TMCO4: variants seen among roughly 807,000 people sequenced by gnomAD.
The protein encoded by TMCO4 is transmembrane and coiled-coil domain-containing protein 4.
TMCO4 carries 58 observed loss-of-function variants against 64.7 expected under a neutral mutation model. That is an observed-to-expected ratio of 0.90 (90% CI 0.73 to 1.12). The LOEUF (loss-of-function observed/expected upper bound fraction) is 1.12, where lower values mean the gene tolerates loss of function less well. TMCO4 is among the 50% of genes most tolerant of loss of function. TMCO4 has a pLI of 0.00. For synonymous variants in TMCO4, 325 were observed against 346.1 expected (o/e 0.94, Z 0.68); for missense variants, 780 against 825.9 (o/e 0.94, Z 0.68).
intron 14 of TMCO4, among the ~76,000 whole-genome samples, chr1:19,699,515 T>A (rs970506422): frequency 2.6e-4 from 35 of 133,428 alleles, no homozygotes; most frequent in African/African-American, 7.2e-4. Flanking sequence ...ATATATATAT[T>A]GAGATGGAGT....
At chr1:19,684,228 G>A (rs1316596881) in intron 15 of TMCO4, among the ~76,000 whole-genome samples, 2 of 151,708 alleles carry the variant, frequency 1.3e-5, no homozygotes, top group African/African-American at 4.8e-5. Context: ...GACCTCTTGG[G>A]CTCTAGTGAT....
intron 4 of TMCO4, among the ~76,000 whole-genome samples, chr1:19,777,741 A>G (rs1182589596): frequency 6.6e-6 from 1 of 152,216 alleles, no homozygotes; most frequent in Admixed American, 6.5e-5. Flanking sequence ...AATCTCTCTT[A>G]GTACTGTGTT....
At chr1:19,762,285 C>T (rs540980600) in intron 6 of TMCO4, among the ~76,000 whole-genome samples, 1 of 152,254 alleles carries the variant, frequency 6.6e-6, no homozygotes, top group South Asian at 2.1e-4. Flanking sequence ...AGATCATGGG[C>T]CACAGGCACA....
At chr1:19,723,762 G>A (rs775008039) in intron 13 of TMCO4, among the ~76,000 whole-genome samples, 7 of 152,178 alleles carry the variant, frequency 4.6e-5, no homozygotes, top group Admixed American at 3.3e-4. Flanking sequence ...CTGGGGCCCT[G>A]GAAGCTAAGT....
rs202088062 is a variant in TMCO4 at position 19,683,304 on chromosome 1, T to C, written c.1641A>G (p.Ala547=). The C allele has an allele frequency of 7.2e-5, 117 of 1,614,050 alleles. 1 individual carries two copies. The East Asian group carries it at 2.5e-3, about 35-fold the overall frequency. ...CLPSEEPRQA[A]AAASSGETPH... Reference sequence around the variant, plus strand: ...GGGTCTCGCCTGATGAGGCGGCAGCTGCTGCCTGGCGAGGCTCCTCGGAGG... The same window carrying C: ...GGGTCTCGCCTGATGAGGCGGCAGCCGCTGCCTGGCGAGGCTCCTCGGAGG... Residue 547 remains alanine, a synonymous_variant, in exon 16 of 16, where the codon GCA becomes GCG. Coordinates refer to ENST00000294543, the MANE Select transcript of TMCO4 (RefSeq NM_181719.7).
intron 13 of TMCO4, among the ~76,000 whole-genome samples, chr1:19,733,960 A>T (rs542222234): frequency 6.6e-6 from 1 of 152,246 alleles, no homozygotes; most frequent in Non-Finnish European, 1.5e-5. Flanking sequence ...AGCTGTTGGA[A>T]GGACTCCATG....
chr1:19,775,818 C>A (rs964630862), intron 4 of TMCO4, among the ~76,000 whole-genome samples: 2 of 152,224 alleles, frequency 1.3e-5, no homozygotes, highest in Non-Finnish European at 2.9e-5. Context: ...CTTTTATATC[C>A]TGTGGGATCA....
rs572277079 is a variant in TMCO4, at chr1:19,690,837, C to A, written c.1500+3597G>T. Among the ~76,000 whole-genome samples, 19 of 149,822 alleles carry A rather than the reference C, an allele frequency of 1.3e-4. No individual in the cohort carries two copies. In the South Asian group the frequency reaches 3.2e-3, roughly 25 times the overall value. The stretch of plus-strand genomic sequence containing the variant: ...CTCTAGGGAGTTGCGAGGTTTACAG[C>A]ATGTGAGCCAAGTCTATCTGTGAAG... On this transcript the variant is annotated intron_variant, in intron 15 of 15. Coordinates refer to ENST00000294543, the MANE Select transcript of TMCO4 (RefSeq NM_181719.7).
Position 19,746,569 on chromosome 1 carries a change from A to G in TMCO4, c.644T>C (p.Val215Ala), listed in dbSNP as rs1243986939. The G allele has an allele frequency of 1.2e-6, 2 of 1,611,208 alleles. No individual in the cohort carries two copies. Among genetic ancestry groups the G allele is most frequent in the Non-Finnish European group, 1.7e-6 (2 of 1,178,640 alleles). The change falls in exon 9 of 16, where the codon GTT becomes GCT. Residue 215 changes from valine to alanine, a missense_variant. Physicochemically the swap from Val to Ala is moderately conservative, Grantham distance 64 (BLOSUM62 0). Transcript: ENST00000294543. ...AATAATCGTCGCTGCTCCAGCGGCA[A>G]CAAGGGGTGCAGCTAGACCTCCAGT... ...GVTGGLAAPL[V>A]AAGAATIIGS...
intron 10 of TMCO4, among the ~76,000 whole-genome samples, chr1:19,741,314 T>C (rs565592757): frequency 2.3e-4 from 35 of 152,368 alleles, no homozygotes; most frequent in African/African-American, 7.5e-4. Context: ...TTTTCTCTAA[T>C]GCTGAAATAA....
At chr1:19,698,109 C>A (rs1229502816) in intron 14 of TMCO4, among the ~76,000 whole-genome samples, 3 of 152,220 alleles carry the variant, frequency 2.0e-5, no homozygotes, top group African/African-American at 7.2e-5. Flanking sequence ...GGCCCTCCAG[C>A]CAATGCTGAT....
chr1:19,751,406 T>G (rs1431246910), intron 7 of TMCO4, among the ~76,000 whole-genome samples: 1 of 152,138 alleles, frequency 6.6e-6, no homozygotes, highest in East Asian at 1.9e-4. Context: ...CAGAACAGCC[T>G]GGGCAACAGG....
chr1:19,781,710 G>A (rs2043490171), intron 3 of TMCO4, among the ~76,000 whole-genome samples: 1 of 149,352 alleles, frequency 6.7e-6, no homozygotes, highest in East Asian at 2.0e-4. Context: ...GCAGTGGCAC[G>A]ATCTTGGCTC....
At chr1:19,737,334 G>A (rs765555310) in intron 13 of TMCO4, 38 bp downstream of exon 13, 2 of 1,590,138 alleles carry the variant, frequency 1.3e-6, no homozygotes, top group Non-Finnish European at 8.6e-7. Context: ...GAACAAGCTT[G>A]TGAAGGGTTT....
chr1:19,796,337 G>GA (rs758339887), intron 2 of TMCO4, among the ~76,000 whole-genome samples: 7 of 152,112 alleles, frequency 4.6e-5, no homozygotes, highest in Non-Finnish European at 8.8e-5. Context: ...TTTGTCCAGC[G>GA]AATGTGGGGC....
Position 19,683,310 on chromosome 1 carries a change from C to G in TMCO4, c.1635G>C (p.Gln545His), listed in dbSNP as rs1212807076. The change falls in exon 16 of 16, where the codon CAG becomes CAC. Residue 545 changes from glutamine (Q) to histidine (H), a missense_variant. Coordinates refer to ENST00000294543, the MANE Select transcript of TMCO4 (RefSeq NM_181719.7). ...CGCCTGATGAGGCGGCAGCTGCTGC[C>G]TGGCGAGGCTCCTCGGAGGGCAGGC... ...PGCLPSEEPR[Q>H]AAAAASSGET... is the part of the protein sequence containing the mutation. The G allele has an allele frequency of 6.2e-7, 1 of 1,614,028 alleles. No homozygotes were observed. Among genetic ancestry groups the G allele is most frequent in the Admixed American group, 1.7e-5 (1 of 60,026 alleles).
At chr1:19,728,374 CTG>C (rs973106973) in intron 13 of TMCO4, among the ~76,000 whole-genome samples, 33 of 152,338 alleles carry the variant, frequency 2.2e-4, no homozygotes, top group African/African-American at 7.7e-4. Context: ...GTACATAAAA[CTG>C]TGCAAAAACT....
chr1:19,769,141 T>G (rs540540309), intron 6 of TMCO4, among the ~76,000 whole-genome samples: 1 of 151,952 alleles, frequency 6.6e-6, no homozygotes, highest in African/African-American at 2.4e-5. Context: ...CCTGAAAGGG[T>G]CACTGGAGAC....
intron 2 of TMCO4, among the ~76,000 whole-genome samples, chr1:19,787,991 A>T (rs567200992): frequency 6.6e-6 from 1 of 152,194 alleles, no homozygotes; most frequent in Non-Finnish European, 1.5e-5. Context: ...TCCTGAGCTC[A>T]GGCAATCTGC....
Sources: gnomAD v4.1 joint callset for allele counts (sites outside exome capture counted in the v4.1 genomes callset) on GRCh38, gnomAD v4.1.1 for gene constraint, MANE v1.5 for transcripts, NCBI Gene and HGNC (gene_info 2026-07-23, HGNC 2026-07-21) for gene names.